Variants in POU6F2 observed in about 807,000 individuals in gnomAD.
POU6F2 encodes POU domain, class 6, transcription factor 2.
POU6F2 carries 31 observed loss-of-function variants against 71.3 expected under a neutral mutation model. The ratio of observed to expected loss-of-function variants is 0.43; its 90% confidence interval spans 0.33 to 0.59. The LOEUF (loss-of-function observed/expected upper bound fraction) is 0.59, where lower values mean the gene tolerates loss of function less well. POU6F2 is among the 20% of genes least tolerant of loss of function. The pLI is 0.04. For missense variants in POU6F2, 783 were observed against 856.8 expected, an observed-to-expected ratio of 0.91 and a Z score of 1.07; for synonymous variants, 347 against 355.7, an observed-to-expected ratio of 0.98 and a Z score of 0.27.
At chr7:39,379,747 T>C (rs1562808816) in intron 5 of POU6F2, among the ~76,000 whole-genome samples, 1 of 152,220 alleles carries the variant, frequency 6.6e-6, no homozygotes, top group Non-Finnish European at 1.5e-5. Flanking sequence ...TTTCCCATCC[T>C]GCCTTGCCCT....
intron 6 of POU6F2, among the ~76,000 whole-genome samples, chr7:39,410,352 G>T (rs1327982738): frequency 2.0e-5 from 3 of 152,190 alleles, no homozygotes; most frequent in Non-Finnish European, 4.4e-5. Flanking sequence ...CTTACCCAGG[G>T]ATGTTAAAGG....
intron 1 of POU6F2, among the ~76,000 whole-genome samples, chr7:38,991,841 T>C (rs932081763): frequency 1.3e-4 from 10 of 76,408 alleles, no homozygotes; most frequent in African/African-American, 4.0e-4. Context: ...CTTTCACTTC[T>C]CTCTCTCTCT....
At chr7:39,309,349 C>G (rs955323417) in intron 4 of POU6F2, among the ~76,000 whole-genome samples, 21 of 152,348 alleles carry the variant, frequency 1.4e-4, no homozygotes, top group Non-Finnish European at 1.3e-4. Flanking sequence ...TGTCCTCTCT[C>G]TTCCCTCTTC....
intron 2 of POU6F2, among the ~76,000 whole-genome samples, chr7:39,186,468 T>A (rs1475394189): frequency 6.6e-6 from 1 of 152,118 alleles, no homozygotes; most frequent in African/African-American, 2.4e-5. Flanking sequence ...TCCACCTATA[T>A]CTACATGTGT....
chr7:39,237,544 CT>C (rs1263560224), intron 4 of POU6F2, among the ~76,000 whole-genome samples: 5 of 152,262 alleles, frequency 3.3e-5, no homozygotes, highest in Admixed American at 6.5e-5. Context: ...CCAGGAAGTA[CT>C]TTAGCTGAGT....
chr7:39,152,603 T>C (rs1369220085), intron 2 of POU6F2, among the ~76,000 whole-genome samples: 1 of 152,146 alleles, frequency 6.6e-6, no homozygotes, highest in African/African-American at 2.4e-5. Flanking sequence ...GGTCATTCAG[T>C]GATTTGCTGC....
chr7:39,181,158 G>A (rs914756235), intron 2 of POU6F2, among the ~76,000 whole-genome samples: 17 of 152,074 alleles, frequency 1.1e-4, no homozygotes, highest in South Asian at 4.2e-4. Flanking sequence ...CTGTTCACTC[G>A]TGTCCACCCT....
At chr7:39,070,969 G>A (rs954056874) in intron 1 of POU6F2, among the ~76,000 whole-genome samples, 6 of 152,096 alleles carry the variant, frequency 3.9e-5, no homozygotes, top group African/African-American at 1.4e-4. Flanking sequence ...AGTGGTCCCC[G>A]TTTTTGGCAC....
chr7:39,404,758 A>G (rs778855450), intron 5 of POU6F2: 2 of 152,142 alleles, frequency 1.3e-5, no homozygotes, highest in Non-Finnish European at 2.9e-5. Flanking sequence ...CAGTTCGGAG[A>G]CAGTATTTCC....
chr7:39,090,662 G>A (rs1012132789), intron 2 of POU6F2, among the ~76,000 whole-genome samples: 1 of 151,952 alleles, frequency 6.6e-6, no homozygotes, highest in African/African-American at 2.4e-5. Flanking sequence ...CTAGAGAAAT[G>A]TATTTATTTA....
At chr7:39,337,918 G>A (rs940432768) in intron 4 of POU6F2, among the ~76,000 whole-genome samples, 1 of 152,156 alleles carries the variant, frequency 6.6e-6, no homozygotes, top group Non-Finnish European at 1.5e-5. Context: ...TGGGACCAAG[G>A]CTCATTAGTA....
At chr7:38,988,099 A>G (rs927447804) in intron 1 of POU6F2, among the ~76,000 whole-genome samples, 1 of 152,136 alleles carries the variant, frequency 6.6e-6, no homozygotes, top group Non-Finnish European at 1.5e-5. Flanking sequence ...AGTACAGATC[A>G]TCATCCCCAT....
chr7:39,225,915 T>C (rs1794451669), intron 4 of POU6F2, among the ~76,000 whole-genome samples: 1 of 152,110 alleles, frequency 6.6e-6, no homozygotes, highest in Admixed American at 6.5e-5. Flanking sequence ...AATAGAATGC[T>C]TCAGGTCTCA....
chr7:39,141,235 A>C (rs973285016), intron 2 of POU6F2, among the ~76,000 whole-genome samples: 7 of 152,206 alleles, frequency 4.6e-5, no homozygotes, highest in Admixed American at 4.6e-4. Flanking sequence ...TATCAATACA[A>C]AATCTCACCT....
At chr7:39,039,488 A>T (rs750347519) in intron 1 of POU6F2, among the ~76,000 whole-genome samples, 11 of 151,986 alleles carry the variant, frequency 7.2e-5, no homozygotes, top group Non-Finnish European at 1.3e-4. Flanking sequence ...AAAAAAAGAG[A>T]CTATATTTTT....
intron 2 of POU6F2, among the ~76,000 whole-genome samples, chr7:39,143,273 G>A (rs1052149493): frequency 1.3e-5 from 2 of 152,170 alleles, no homozygotes; most frequent in Non-Finnish European, 2.9e-5. Context: ...ACCTCATTGT[G>A]TTAAGCACTA....
chr7:39,073,231 T>G (rs1790922384), intron 1 of POU6F2, among the ~76,000 whole-genome samples: 1 of 152,176 alleles, frequency 6.6e-6, no homozygotes, highest in African/African-American at 2.4e-5. Context: ...CTGGCCTGGT[T>G]TTTTAATTGC....
intron 5 of POU6F2, among the ~76,000 whole-genome samples, chr7:39,366,085 T>C (rs1238246818): frequency 6.6e-6 from 1 of 152,182 alleles, no homozygotes. Context: ...TGTTATAAAT[T>C]CCAGTGGGGT....
intron 1 of POU6F2, among the ~76,000 whole-genome samples, chr7:39,073,242 C>T (rs1035969199): frequency 6.6e-6 from 1 of 151,844 alleles, no homozygotes; most frequent in Non-Finnish European, 1.5e-5. Flanking sequence ...TTTTAATTGC[C>T]CTCAATTTCA....
Sources: allele counts gnomAD v4.1 joint callset (sites outside exome capture counted in the v4.1 genomes callset), GRCh38; gene constraint gnomAD v4.1.1; transcripts MANE v1.5; gene names NCBI Gene and HGNC (gene_info 2026-07-23, HGNC 2026-07-21).